TMEM181: variants seen among roughly 807,000 people sequenced by gnomAD.
TMEM181 encodes the protein G protein-coupled receptor 178.
A neutral mutation model predicts 71.9 loss-of-function variants in TMEM181; 39 were observed. The observed-to-expected ratio is 0.54, with a 90% CI of 0.42 to 0.71. The LOEUF (loss-of-function observed/expected upper bound fraction) is 0.71, where lower values mean the gene tolerates loss of function less well. TMEM181 is among the 30% of genes least tolerant of loss of function. TMEM181 has a pLI of 0.00. For synonymous variants in TMEM181, 245 were observed against 228.8 expected, an observed-to-expected ratio of 1.07 and a Z score of -0.64; for missense variants, 595 against 583.0, an observed-to-expected ratio of 1.02 and a Z score of -0.21.
chr6:158,538,912 G>GTC, intron 1 of TMEM181, among the ~76,000 whole-genome samples: 2 of 152,222 alleles, frequency 1.3e-5, no homozygotes, highest in Non-Finnish European at 2.9e-5. Context: ...GGCACAGATG[G>GTC]AAGACCAGCG....
At chr6:158,569,346 A>C (rs1236774442) in intron 1 of TMEM181, among the ~76,000 whole-genome samples, 2 of 152,142 alleles carry the variant, frequency 1.3e-5, no homozygotes, top group African/African-American at 4.8e-5. Context: ...CCTGGCGCCC[A>C]CCCTCTCACC....
At chr6:158,585,504 A>G in intron 5 of TMEM181, 79 bp downstream of exon 5, 2 of 1,335,110 alleles carry the variant, frequency 1.5e-6, no homozygotes, top group Non-Finnish European at 1.9e-6. Context: ...TCCAGTCTAA[A>G]AGATAGCATG....
chr6:158,599,269 G>C lies in TMEM181; in HGVS notation c.493-5998G>C, dbSNP rs1384997779. 2.0e-5 allele frequency among the ~76,000 whole-genome samples: 3 copies of C among 152,246 alleles called. 1 individual carries two copies. Among genetic ancestry groups the C allele is most frequent in the Non-Finnish European group, 4.4e-5 (3 of 68,044 alleles). ...AGGTTGTGCTCAGCAGATGTGGATG[G>C]ATGGATGGGCGCATGGGAGATTTAA... On this transcript the variant is annotated intron_variant, in intron 6 of 16. Transcript: ENST00000684151.
At chr6:158,589,521 G>T in intron 5 of TMEM181, 151 bp from the exon 6 acceptor site, 1 of 615,360 alleles carries the variant, frequency 1.6e-6, no homozygotes, top group Non-Finnish European at 2.9e-6. Flanking sequence ...ACTGTGTTTG[G>T]CTGGCATCTG....
At chr6:158,599,922 CAG>C (rs1330587998) in intron 6 of TMEM181, among the ~76,000 whole-genome samples, 3 of 152,306 alleles carry the variant, frequency 2.0e-5, no homozygotes, top group African/African-American at 7.2e-5. Flanking sequence ...GGCGGCCTCC[CAG>C]AGAGTCAGAA....
chr6:158,607,887 C>T (rs1325889018), intron 8 of TMEM181, among the ~76,000 whole-genome samples: 1 of 152,220 alleles, frequency 6.6e-6, no homozygotes, highest in African/African-American at 2.4e-5. Flanking sequence ...AGTCCTGGAA[C>T]TTGGCTGAAG....
intron 1 of TMEM181, among the ~76,000 whole-genome samples, chr6:158,565,245 C>T (rs1227527422): frequency 6.6e-6 from 1 of 152,252 alleles, no homozygotes; most frequent in Non-Finnish European, 1.5e-5. Context: ...GGACTGCTCG[C>T]CTCCCCTGCC....
At chr6:158,609,435 C>G (rs1785160053) in intron 10 of TMEM181, among the ~76,000 whole-genome samples, 1 of 152,088 alleles carries the variant, frequency 6.6e-6, no homozygotes, top group Non-Finnish European at 1.5e-5. Flanking sequence ...CACACTCCTT[C>G]TTTGCTCCTA....
chr6:158,602,642 G>A (rs1784733566), intron 6 of TMEM181, among the ~76,000 whole-genome samples: 1 of 151,648 alleles, frequency 6.6e-6, no homozygotes, highest in African/African-American at 2.4e-5. Context: ...ATGGGACCTT[G>A]CTCTGTCGCC....
chr6:158,602,919 C>T (rs546307371), intron 6 of TMEM181, among the ~76,000 whole-genome samples: 4 of 152,178 alleles, frequency 2.6e-5, no homozygotes, highest in East Asian at 1.9e-4. Context: ...CACTGTCTTC[C>T]GGCTTGCATT....
At chr6:158,565,802 G>A (rs912682047) in intron 1 of TMEM181, among the ~76,000 whole-genome samples, 3 of 152,144 alleles carry the variant, frequency 2.0e-5, no homozygotes, top group Non-Finnish European at 4.4e-5. Flanking sequence ...CTGGTGCAGC[G>A]TGTCCTGCGG....
At chr6:158,597,367 CCAGGCACTGG>C (rs1784436079) in intron 6 of TMEM181, among the ~76,000 whole-genome samples, 1 of 152,172 alleles carries the variant, frequency 6.6e-6, no homozygotes, top group Non-Finnish European at 1.5e-5. Flanking sequence ...AGTCCAGGAT[CCAGGCACTGG>C]CAGGTTTGGT....
exon 1 of TMEM181, chr6:158,536,855 C>G (rs1562608027): frequency 6.8e-7 from 1 of 1,464,342 alleles, no homozygotes; most frequent in Non-Finnish European, 9.1e-7. Context: ...CAAGGATGAC[C>G]GCTACTACAG....
At chr6:158,575,004 C>T (rs1332271170) in intron 2 of TMEM181, among the ~76,000 whole-genome samples, 1 of 152,186 alleles carries the variant, frequency 6.6e-6, no homozygotes, top group Non-Finnish European at 1.5e-5. Flanking sequence ...GAGCAAATTC[C>T]CCCTTACTCA....
Position 158,620,573 on chromosome 6 carries a change from T to C in TMEM181, c.897-2977T>C, listed in dbSNP as rs1671177299. On this transcript the variant is annotated intron_variant, in intron 10 of 16. Transcript: ENST00000684151. The surrounding 1 kb of genome is among the most constrained non-coding windows in gnomAD (Gnocchi z 4.5). ...GGAGCGAAATACCCATCGCTGGTGG[T>C]TGGAGGTGGATTCCTGAGACCTGAG... Among the ~76,000 whole-genome samples the C allele has an allele frequency of 6.6e-6, 1 of 152,024 alleles. No individual in the cohort carries two copies. The highest frequency in any genetic ancestry group is 2.4e-5 in the African/African-American group (1 of 41,380).
intron 1 of TMEM181, 60 bp downstream of exon 1, chr6:158,560,292 G>A (rs1582940426): frequency 1.0e-6 from 1 of 985,248 alleles, no homozygotes; most frequent in Non-Finnish European, 1.2e-6. Flanking sequence ...GCCGAAAGTT[G>A]GGGATCCCTG....
At chr6:158,559,341 TGTTTACA>T (rs1227365240), upstream of TMEM181, among the ~76,000 whole-genome samples, 2 of 152,244 alleles carry the variant, frequency 1.3e-5, no homozygotes, top group Non-Finnish European at 1.5e-5. Context: ...ATAGTAAGCC[TGTTTACA>T]GTTTAGTGAA....
intron 1 of TMEM181, among the ~76,000 whole-genome samples, chr6:158,540,540 G>A (rs958724848): frequency 6.6e-6 from 1 of 152,194 alleles, no homozygotes; most frequent in Admixed American, 6.5e-5. Context: ...CAGCACTTTG[G>A]GAGGCCAAGG....
At chr6:158,629,675 C>T in intron 14 of TMEM181, 55 bp from the exon 15 acceptor site, 1 of 1,438,102 alleles carries the variant, frequency 7.0e-7, no homozygotes, top group Non-Finnish European at 9.5e-7. Context: ...GGGCTGTAGG[C>T]AGAGCCTCTG....
Sources: allele counts gnomAD v4.1 joint callset (sites outside exome capture counted in the v4.1 genomes callset), GRCh38; gene constraint gnomAD v4.1.1; non-coding constraint Gnocchi (gnomAD v3.1); transcripts MANE v1.5; gene names NCBI Gene and HGNC (gene_info 2026-07-23, HGNC 2026-07-21).